Variants in FNBP1 observed in about 807,000 individuals in gnomAD.
FNBP1 encodes formin-binding protein 1.
Under a neutral mutation model 90.6 loss-of-function variants are expected in FNBP1, and 26 were observed. That is an observed-to-expected ratio of 0.29 (90% CI 0.21 to 0.40). The LOEUF is 0.40. FNBP1 is among the 10% of genes least tolerant of loss of function. The pLI is 1.00. For missense variants in FNBP1, 635 were observed against 768.0 expected (o/e 0.83, Z 2.05); for synonymous variants, 260 against 265.2 (o/e 0.98, Z 0.19).
At chr9:129,913,530 G>T (rs528292475) in intron 11 of FNBP1, among the ~76,000 whole-genome samples, 9 of 152,074 alleles carry the variant, frequency 5.9e-5, no homozygotes, top group Non-Finnish European at 8.8e-5. Flanking sequence ...CAGCACTGTG[G>T]GGGGCTGAGG....
intron 11 of FNBP1, 118 bp downstream of exon 11, chr9:129,915,848 T>C: frequency 1.4e-6 from 1 of 720,374 alleles, no homozygotes; most frequent in Non-Finnish European, 2.4e-6. Flanking sequence ...AAAGCACACG[T>C]AAGAGAAACA....
chr9:129,937,950 G>T (rs1219220844), intron 6 of FNBP1, among the ~76,000 whole-genome samples: 1 of 152,040 alleles, frequency 6.6e-6, no homozygotes, highest in Non-Finnish European at 1.5e-5. Flanking sequence ...GTCAGTTGAG[G>T]CCAGGAGATT....
At chr9:129,917,762 A>G (rs2040477420) in intron 10 of FNBP1, among the ~76,000 whole-genome samples, 1 of 152,204 alleles carries the variant, frequency 6.6e-6, no homozygotes, top group Non-Finnish European at 1.5e-5. Context: ...CAGAAAGACA[A>G]ACTTTTGCAG....
chr9:129,894,980 C>T (rs2035494223), intron 16 of FNBP1, among the ~76,000 whole-genome samples: 1 of 152,100 alleles, frequency 6.6e-6, no homozygotes, highest in Admixed American at 6.6e-5. Context: ...ATCGCTTGAA[C>T]CTGGGGGAGG....
chr9:130,037,571 T>G (rs938445637), intron 1 of FNBP1, among the ~76,000 whole-genome samples: 4 of 152,176 alleles, frequency 2.6e-5, no homozygotes, highest in Non-Finnish European at 5.9e-5. Flanking sequence ...TATAAAGATA[T>G]GTACACATAT....
chr9:129,949,561 G>A (rs1023078088), intron 6 of FNBP1, among the ~76,000 whole-genome samples: 1 of 152,094 alleles, frequency 6.6e-6, no homozygotes, highest in East Asian at 1.9e-4. Flanking sequence ...ATGAATGGAG[G>A]TGATTTGAAC....
In FNBP1 at chr9:130,043,123, G is replaced by A; in HGVS notation, c.-148C>T. 1.7e-6 allele frequency: 1 copy of A among 605,702 alleles called. No homozygotes were observed. Among genetic ancestry groups the A allele is most frequent in the Non-Finnish European group, 2.4e-6 (1 of 419,638 alleles). The allele number at this position is 605,702 out of a possible 1,614,324, so 37.5% of individuals were successfully genotyped here. Reference sequence around the variant, plus strand: ...CCTCCGGCTCGCAGCTCCTCGCCCGGGGTCTCCTCGGCGGCTCCTCCTCCC... The same window carrying A: ...CCTCCGGCTCGCAGCTCCTCGCCCGAGGTCTCCTCGGCGGCTCCTCCTCCC... On this transcript the variant is annotated 5_prime_UTR_variant, in exon 1 of 17. Transcript: ENST00000446176.
In FNBP1 at chr9:129,966,053, G is replaced by A. The variant is rs2048586088; in HGVS notation, c.346-7500C>T. ...TTGTGAACAGGGCTGCTCCAGGCAC[G>A]AGGAAAGCTGTGTAAACAAAACAAA... On this transcript the variant is annotated intron_variant, in intron 4 of 16. Coordinates refer to ENST00000446176, the MANE Select transcript of FNBP1 (RefSeq NM_015033.3). This position sits in a 1 kb window ranked among gnomAD's most constrained non-coding sequence, Gnocchi z 4.3. Among the ~76,000 whole-genome samples the A allele has an allele frequency of 6.6e-6, 1 of 152,166 alleles. No individual in the cohort carries two copies. Among genetic ancestry groups the A allele is most frequent in the Non-Finnish European group, 1.5e-5 (1 of 68,032 alleles).
intron 1 of FNBP1, among the ~76,000 whole-genome samples, chr9:130,020,885 C>T (rs1648073146): frequency 6.6e-6 from 1 of 152,102 alleles, no homozygotes; most frequent in Non-Finnish European, 1.5e-5. Context: ...GAGATGGCCC[C>T]GTTAGGTTGT....
intron 1 of FNBP1, among the ~76,000 whole-genome samples, chr9:130,007,246 A>AAG (rs1479633247): frequency 2.0e-5 from 3 of 148,930 alleles, no homozygotes; most frequent in South Asian, 2.1e-4. Flanking sequence ...TGTCAAAAAA[A>AAG]AAAAAAAAAA....
intron 1 of FNBP1, among the ~76,000 whole-genome samples, chr9:129,997,286 C>T (rs956457911): frequency 3.9e-5 from 6 of 152,066 alleles, no homozygotes; most frequent in South Asian, 2.1e-4. Flanking sequence ...CAAGATCACA[C>T]CATTGCACTC....
chr9:129,921,269 CTTTT>C (rs753816382), intron 10 of FNBP1, among the ~76,000 whole-genome samples: 1 of 143,480 alleles, frequency 7.0e-6, no homozygotes, highest in African/African-American at 2.5e-5. Flanking sequence ...ACATTCTTTA[CTTTT>C]TTTTTTTTTG....
rs1214715856 is a variant in FNBP1 at position 129,910,092 on chromosome 9, C to T, written c.1186-1093G>A. Reference sequence around the variant, plus strand: ...ATGAGCTTTAAGGAGAAAGTATCAACAGTTTCAGGCTTTGACATATGCTTA... The same window carrying T: ...ATGAGCTTTAAGGAGAAAGTATCAATAGTTTCAGGCTTTGACATATGCTTA... On this transcript the variant is annotated intron_variant, in intron 11 of 16. Coordinates refer to ENST00000446176, the MANE Select transcript of FNBP1 (RefSeq NM_015033.3). 3 of 455,916 alleles carry T rather than the reference C, an allele frequency of 6.6e-6. No individual in the cohort carries two copies. The Admixed American group carries it at 7.1e-5, about 11-fold the overall frequency. 28.2% of individuals were successfully genotyped at this position (455,916 alleles called of 1,614,324 possible). A position where few individuals can be genotyped will look rare whatever the true frequency, so the allele number is the denominator to read the frequency against.
rs1261903836 is a variant in FNBP1, at chr9:130,014,001, AC to A, written c.25-19044del. ...CAGGTTGTGGTATTCTGCTATAGCA[AC>A]ACAAAATAGACTAAGACAAACCCAC... On this transcript the variant is annotated intron_variant, in intron 1 of 16. Transcript: ENST00000446176. 6.6e-6 allele frequency: 3 copies of A among 456,628 alleles called. No individual in the cohort carries two copies. In the East Asian group the frequency reaches 2.1e-4, roughly 32 times the overall value. The allele number at this position is 456,628 out of a possible 1,614,324, so 28.3% of individuals were successfully genotyped here.
At chr9:129,954,867 G>A (rs940725905) in intron 6 of FNBP1, among the ~76,000 whole-genome samples, 2 of 152,012 alleles carry the variant, frequency 1.3e-5, no homozygotes, top group African/African-American at 4.8e-5. Flanking sequence ...GCGTGGTGAC[G>A]CCTGTAATCC....
At chr9:129,896,488 A>AT (rs1299969931) in intron 15 of FNBP1, among the ~76,000 whole-genome samples, 1 of 151,966 alleles carries the variant, frequency 6.6e-6, no homozygotes, top group Non-Finnish European at 1.5e-5. Context: ...GGTTCAAGCG[A>AT]TTCTCCTGTC....
intron 4 of FNBP1, among the ~76,000 whole-genome samples, chr9:129,964,886 A>C (rs1257353950): frequency 6.6e-6 from 1 of 151,940 alleles, no homozygotes; most frequent in Non-Finnish European, 1.5e-5. Context: ...AGAAAAAAAC[A>C]TAAGAATAAA....
chr9:129,888,808 G>C lies in FNBP1; in HGVS notation c.*1731C>G. On this transcript the variant is annotated 3_prime_UTR_variant, in exon 17 of 17. Coordinates refer to ENST00000446176, the MANE Select transcript of FNBP1 (RefSeq NM_015033.3). Reference sequence around the variant, plus strand: ...AGGAGCAATTTCCTGGTTTCCACAAGTAAAGACAGCCCCATCCCTTGGGAC... The same window carrying C: ...AGGAGCAATTTCCTGGTTTCCACAACTAAAGACAGCCCCATCCCTTGGGAC... 4.3e-6 allele frequency: 1 copy of C among 233,002 alleles called. No individual in the cohort carries two copies. Among genetic ancestry groups the C allele is most frequent in the Non-Finnish European group, 8.5e-6 (1 of 117,894 alleles). The allele number at this position is 233,002 out of a possible 1,614,324, so 14.4% of individuals were successfully genotyped here.
At chr9:130,049,136 C>A in the FNBP1 span, among the ~76,000 whole-genome samples, 1 of 151,928 alleles carries the variant, frequency 6.6e-6, no homozygotes, top group Non-Finnish European at 1.5e-5. Context: ...TGCCTGTAAT[C>A]CCAACACTTT....
Sources: gnomAD v4.1 joint callset for allele counts (sites outside exome capture counted in the v4.1 genomes callset) on GRCh38, gnomAD v4.1.1 for gene constraint, Gnocchi (gnomAD v3.1) non-coding constraint, MANE v1.5 for transcripts, NCBI Gene and HGNC (gene_info 2026-07-23, HGNC 2026-07-21) for gene names.